The following ZNF280B variants were observed in gnomAD, a reference collection of about 807,000 sequenced individuals.
The protein encoded by ZNF280B is zinc finger protein 280B.
A neutral mutation model predicts 38.0 loss-of-function variants in ZNF280B; 16 were observed. The observed-to-expected ratio is 0.42, with a 90% CI of 0.28 to 0.64. The LOEUF (loss-of-function observed/expected upper bound fraction) is 0.64, where lower values mean the gene tolerates loss of function less well. ZNF280B is among the 30% of genes least tolerant of loss of function. The probability of loss-of-function intolerance (pLI) is 0.21; values close to 1 mark genes in which losing one functional copy is unlikely to be tolerated. For synonymous variants in ZNF280B, 253 were observed against 230.6 expected, an observed-to-expected ratio of 1.10 and a Z score of -0.88; for missense variants, 581 against 639.6, an observed-to-expected ratio of 0.91 and a Z score of 0.99.
chr22:22,508,109 C>A (rs1248372657), intron 1 of ZNF280B, among the ~76,000 whole-genome samples: 1 of 151,908 alleles, frequency 6.6e-6, no homozygotes, highest in Admixed American at 6.6e-5. Context: ...TCCTGGCTCT[C>A]ACGGGAGGGA....
Position 22,488,630 on chromosome 22 carries a change from T to A in ZNF280B, c.769A>T (p.Asn257Tyr). 1 of 1,613,878 alleles carries A rather than the reference T, an allele frequency of 6.2e-7. No homozygotes were observed. Among genetic ancestry groups the A allele is most frequent in the Non-Finnish European group, 8.5e-7 (1 of 1,179,958 alleles). The change falls in exon 4 of 4, where the codon AAT becomes TAT. Residue 257 changes from asparagine (N) to tyrosine (Y), a missense_variant. Coordinates refer to ENST00000626650, the MANE Select transcript of ZNF280B (RefSeq NM_080764.4). ...KPINTNLDRA[N>Y]ELAKTDILSL... ...AAAATGTCTGTTTTTGCCAATTCAT[T>A]TGCCCTATCAAGATTTGTATTTATA...
intron 2 of ZNF280B, among the ~76,000 whole-genome samples, chr22:22,499,661 G>A (rs1193164828): frequency 6.6e-6 from 1 of 151,918 alleles, no homozygotes; most frequent in Non-Finnish European, 1.5e-5. Flanking sequence ...ACAACAAAAC[G>A]ATTGGGAATA....
At position 22,487,608 on chromosome 22, in the gene ZNF280B, C is replaced by A; in HGVS notation, c.*159G>T. 1 of 571,334 alleles carries A rather than the reference C, an allele frequency of 1.8e-6. No homozygotes were observed. The highest frequency in any genetic ancestry group is 2.9e-6 in the Non-Finnish European group (1 of 348,192). The allele number at this position is 571,334 out of a possible 1,614,324, so 35.4% of individuals were successfully genotyped here. A position where few individuals can be genotyped will look rare whatever the true frequency, so the allele number is the denominator to read the frequency against. ...TAAAATAATACCTCAAAATTCAGAT[C>A]AAATAATATATATCCTGAATCTTGT... On this transcript the variant is annotated 3_prime_UTR_variant, in exon 4 of 4. Coordinates refer to ENST00000626650, the MANE Select transcript of ZNF280B (RefSeq NM_080764.4).
rs1257752608 is a variant in ZNF280B at position 22,485,651 on chromosome 22, A to C, written c.*2116T>G. On this transcript the variant is annotated 3_prime_UTR_variant, in exon 4 of 4. Coordinates refer to ENST00000626650, the MANE Select transcript of ZNF280B (RefSeq NM_080764.4). ...TAAGAGGGATGCTAAGCTCTTAATT[A>C]TCTCTTCCCGGATTTTTGTGAAAGC... The C allele has an allele frequency of 6.6e-6, 1 of 151,978 alleles. No homozygotes were observed. Among genetic ancestry groups the C allele is most frequent in the African/African-American group, 2.4e-5 (1 of 41,386 alleles). 9.4% of individuals were successfully genotyped at this position (151,978 alleles called of 1,614,324 possible).
At chr22:22,489,919 G>T (rs1469770880) in intron 3 of ZNF280B, among the ~76,000 whole-genome samples, 3 of 151,960 alleles carry the variant, frequency 2.0e-5, no homozygotes, top group Middle Eastern at 3.5e-3. Context: ...GTAATAGCTG[G>T]TTTTTTAAAA....
In ZNF280B at chr22:22,487,969, T is replaced by C; in HGVS notation, c.1430A>G (p.Glu477Gly). The C allele has an allele frequency of 6.2e-7, 1 of 1,613,746 alleles. No homozygotes were observed. Among genetic ancestry groups the C allele is most frequent in the Non-Finnish European group, 8.5e-7 (1 of 1,179,928 alleles). Residue 477 changes from glutamate (E) to glycine (G), a missense_variant, in exon 4 of 4, where the codon GAG becomes GGG. Transcript: ENST00000626650. ...CATTTGATGACACTGGGTCTTGTGC[T>C]CCATTTTCTCCTTGAAAGTTAAAAA... is the stretch of plus-strand genomic sequence containing the variant. ...LQFLTFKEKM[E>G]HKTQCHQMFK...
At chr22:22,501,218 T>C (rs1356683938) in intron 2 of ZNF280B, among the ~76,000 whole-genome samples, 1 of 151,746 alleles carries the variant, frequency 6.6e-6, no homozygotes, top group East Asian at 2.0e-4. Context: ...AATTTAGAAA[T>C]GGTTAAGGTG....
chr22:22,499,306 C>T lies in ZNF280B; in HGVS notation c.-186-5126G>A, dbSNP rs569255117. Among the ~76,000 whole-genome samples, 28 of 151,214 alleles carry T rather than the reference C, an allele frequency of 1.9e-4. 1 individual carries two copies. The highest frequency in any genetic ancestry group is 6.3e-4 in the African/African-American group (26 of 41,196). On this transcript the variant is annotated intron_variant, in intron 2 of 3. Transcript: ENST00000626650. ...TGAGTCGGAATTTCATTCTTGTTGC[C>T]CAGGCTGGAGTGAAATGGCACGATC...
Position 22,488,979 on chromosome 22 carries a change from T to C in ZNF280B, c.420A>G (p.Glu140=), listed in dbSNP as rs1236935729. 6.2e-7 allele frequency: 1 copy of C among 1,613,740 alleles called. No homozygotes were observed. The highest frequency in any genetic ancestry group is 8.5e-7 in the Non-Finnish European group (1 of 1,179,966). Residue 140 remains glutamate, a synonymous_variant, in exon 4 of 4, where the codon GAA becomes GAG. Transcript: ENST00000626650. ...SPQVVPNNSS[E]LPSPLITFTD... ...TGAATGTAATCAAAGGAGAAGGTAA[T>C]TCTGAAGAGTTATTAGGCACAACTT...
Position 22,485,185 on chromosome 22 carries a change from T to C in ZNF280B, c.*2582A>G, listed in dbSNP as rs1027772478. On this transcript the variant is annotated 3_prime_UTR_variant, in exon 4 of 4. Coordinates refer to ENST00000626650, the MANE Select transcript of ZNF280B (RefSeq NM_080764.4). Reference sequence around the variant, plus strand: ...CTACAGTTGGCAATTAATGACCATATGTACTCCTTAAGAGCATGCTTTAAT... The same window carrying C: ...CTACAGTTGGCAATTAATGACCATACGTACTCCTTAAGAGCATGCTTTAAT... The C allele has an allele frequency of 2.0e-5, 3 of 151,998 alleles. No individual in the cohort carries two copies. Among genetic ancestry groups the C allele is most frequent in the Admixed American group, 6.6e-5 (1 of 15,240 alleles). 9.4% of individuals were successfully genotyped at this position (151,998 alleles called of 1,614,324 possible).
intron 2 of ZNF280B, among the ~76,000 whole-genome samples, chr22:22,505,573 TAAATAA>T (rs66570473): frequency 2.9e-5 from 4 of 137,484 alleles, no homozygotes; most frequent in South Asian, 2.3e-4. Flanking sequence ...CTCAAAAAAA[TAAATAA>T]AAATAAAAAT....
In ZNF280B at chr22:22,489,036, C is replaced by A; in HGVS notation, c.363G>T (p.Leu121Phe). 6 of 1,613,808 alleles carry A rather than the reference C, an allele frequency of 3.7e-6. No individual in the cohort carries two copies. The highest frequency in any genetic ancestry group is 5.1e-6 in the Non-Finnish European group (6 of 1,179,936). ...STDSPIIIEP[L>F]SKPDYRNSSP... ...AACTATTTCTATAATCAGGTTTAGACAAAGGCTCAATAATAATAGGACTAT... is the reference window on the plus strand; with the variant it reads ...AACTATTTCTATAATCAGGTTTAGAAAAAGGCTCAATAATAATAGGACTAT... Residue 121 changes from leucine to phenylalanine, a missense_variant, in exon 4 of 4, where the codon TTG becomes TTT. Transcript: ENST00000626650.
At chr22:22,500,370 T>C (rs1020351907) in intron 2 of ZNF280B, among the ~76,000 whole-genome samples, 2 of 151,582 alleles carry the variant, frequency 1.3e-5, no homozygotes, top group African/African-American at 4.8e-5. Context: ...AAATATTATA[T>C]ATATATATAT....
chr22:22,506,748 A>C (rs2061947368), intron 2 of ZNF280B, among the ~76,000 whole-genome samples: 1 of 151,922 alleles, frequency 6.6e-6, no homozygotes, highest in Non-Finnish European at 1.5e-5. Context: ...TTAAATAAAC[A>C]AGTGCACATG....
At chr22:22,502,117 A>C (rs1444047945) in intron 2 of ZNF280B, among the ~76,000 whole-genome samples, 2 of 151,820 alleles carry the variant, frequency 1.3e-5, no homozygotes, top group Non-Finnish European at 2.9e-5. Flanking sequence ...ACAGAGCGAG[A>C]CCCTGTCTCA....
rs140645748 is a variant in ZNF280B, at chr22:22,488,300, T to C, written c.1099A>G (p.Thr367Ala). ...QLQCHIENVH[T>A]AQEPSTVCKI... ...CAGACAGTAGAGGGCTCCTGGGCAG[T>C]GTGGACATTTTCGATGTGACACTGT... Residue 367 changes from threonine (T) to alanine (A), a missense_variant, in exon 4 of 4, where the codon ACT becomes GCT. By Grantham distance (58) the Thr-to-Ala change is moderately conservative. Coordinates refer to ENST00000626650, the MANE Select transcript of ZNF280B (RefSeq NM_080764.4). 1.9e-6 allele frequency: 3 copies of C among 1,613,754 alleles called. No individual in the cohort carries two copies. In the African/African-American group the frequency reaches 4.0e-5, roughly 22 times the overall value.
chr22:22,501,006 C>A (rs1601727301), intron 2 of ZNF280B, among the ~76,000 whole-genome samples: 2 of 117,542 alleles, frequency 1.7e-5, no homozygotes, highest in South Asian at 2.9e-4. Flanking sequence ...GGCAACACAC[C>A]AAGACTCCGT....
rs972483746 is a variant in ZNF280B at position 22,485,929 on chromosome 22, G to A, written c.*1838C>T. The A allele has an allele frequency of 1.3e-5, 2 of 151,988 alleles. No individual in the cohort carries two copies. The highest frequency in any genetic ancestry group is 4.8e-5 in the African/African-American group (2 of 41,368). The allele number at this position is 151,988 out of a possible 1,614,324, so 9.4% of individuals were successfully genotyped here. ...CACAGAGGCAGCCAAGACTGCTGAT[G>A]TTCAGGAACCAATACTCAAAAGGTA... On this transcript the variant is annotated 3_prime_UTR_variant, in exon 4 of 4. Coordinates refer to ENST00000626650, the MANE Select transcript of ZNF280B (RefSeq NM_080764.4).
At chr22:22,507,312 A>T (rs1370599176) in intron 2 of ZNF280B, among the ~76,000 whole-genome samples, 1 of 151,904 alleles carries the variant, frequency 6.6e-6, no homozygotes, top group Non-Finnish European at 1.5e-5. Context: ...ATTTTTTTTT[A>T]AACTACTAAG....
Sources: gnomAD v4.1 joint callset for allele counts (sites outside exome capture counted in the v4.1 genomes callset) on GRCh38, gnomAD v4.1.1 for gene constraint, MANE v1.5 for transcripts, NCBI Gene and HGNC (gene_info 2026-07-23, HGNC 2026-07-21) for gene names.